The following ANKRD28 variants were observed in gnomAD, a reference collection of about 807,000 sequenced individuals.
The protein encoded by ANKRD28 is ankyrin repeat domain 28, also known as serine/threonine-protein phosphatase 6 regulatory ankyrin repeat subunit A.
A neutral mutation model predicts 126.5 loss-of-function variants in ANKRD28; 44 were observed. The ratio of observed to expected loss-of-function variants is 0.35; its 90% CI spans 0.27 to 0.45. The LOEUF (loss-of-function observed/expected upper bound fraction) is 0.45, where lower values mean the gene tolerates loss of function less well. ANKRD28 is among the 20% of genes least tolerant of loss of function. The pLI is 1.00. For missense variants in ANKRD28, 1,110 were observed against 1,316.6 expected, an observed-to-expected ratio of 0.84 and a Z score of 2.43; for synonymous variants, 442 against 468.5, an observed-to-expected ratio of 0.94 and a Z score of 0.73.
At chr3:15,788,970 G>A (rs1014122177) in intron 2 of ANKRD28, among the ~76,000 whole-genome samples, 1 of 152,046 alleles carries the variant, frequency 6.6e-6, no homozygotes, top group Admixed American at 6.6e-5. Flanking sequence ...AGCCAATAAG[G>A]CTAAGAAGAT....
chr3:15,740,294 A>G (rs907971612), intron 4 of ANKRD28, among the ~76,000 whole-genome samples: 3 of 152,244 alleles, frequency 2.0e-5, no homozygotes, highest in Admixed American at 6.5e-5. Flanking sequence ...CTTGACTGGG[A>G]TAAAGGTTAC....
At chr3:15,734,393 C>T (rs559505972) in intron 6 of ANKRD28, among the ~76,000 whole-genome samples, 56 of 152,264 alleles carry the variant, frequency 3.7e-4, no homozygotes, top group African/African-American at 1.3e-3. Context: ...TCTTTGTAAT[C>T]AGGTAATGTG....
Position 15,668,751 on chromosome 3 carries a change from C to T in ANKRD28, c.*1519G>A, listed in dbSNP as rs1188515804. 6.6e-6 allele frequency: 1 copy of T among 152,560 alleles called. No individual in the cohort carries two copies. The highest frequency in any genetic ancestry group is 1.5e-5 in the Non-Finnish European group (1 of 68,002). The allele number at this position is 152,560 out of a possible 1,614,324, so 9.5% of individuals were successfully genotyped here. On this transcript the variant is annotated 3_prime_UTR_variant, in exon 28 of 28. Coordinates refer to ENST00000683139, the MANE Select transcript of ANKRD28 (RefSeq NM_001349278.2). ...TTCTTCAAAAAACCCACAAAATTATCAAATAGATCAAAATACTGTTCTGTG... is the reference window on the plus strand; with the variant it reads ...TTCTTCAAAAAACCCACAAAATTATTAAATAGATCAAAATACTGTTCTGTG...
chr3:15,758,561 GAAGA>G (rs1162092385), intron 3 of ANKRD28, among the ~76,000 whole-genome samples: 1 of 152,094 alleles, frequency 6.6e-6, no homozygotes, highest in African/African-American at 2.4e-5. Flanking sequence ...GTCCTTACAA[GAAGA>G]AATTTGCAAA....
intron 3 of ANKRD28, among the ~76,000 whole-genome samples, chr3:15,762,173 G>C (rs1238405318): frequency 9.1e-6 from 1 of 109,454 alleles, no homozygotes; most frequent in Admixed American, 1.0e-4. Context: ...GGGTAACAGA[G>C]CAAGACTATG....
chr3:15,827,374 C>T (rs933191457), intron 1 of ANKRD28, among the ~76,000 whole-genome samples: 3 of 151,980 alleles, frequency 2.0e-5, no homozygotes, highest in Non-Finnish European at 2.9e-5. Flanking sequence ...CCTAAGTGTC[C>T]ATCAATAAAT....
At position 15,853,063 on chromosome 3, in the gene ANKRD28, G is replaced by T. The variant is rs529820502; in HGVS notation, c.27+6314C>A. Among the ~76,000 whole-genome samples the T allele has an allele frequency of 9.2e-5, 14 of 152,044 alleles. No individual in the cohort carries two copies. The highest frequency in any genetic ancestry group is 3.4e-4 in the African/African-American group (14 of 41,446). ...GAATTGGGGATGAGGGATGGGAATG[G>T]AAATTAAACCTAAAATATTTGAAAA... is the stretch of plus-strand genomic sequence containing the variant. On this transcript the variant is annotated intron_variant, in intron 1 of 27. Transcript: ENST00000399451. This position sits in a 1 kb window ranked among gnomAD's most constrained non-coding sequence, Gnocchi z 4.2.
chr3:15,837,089 G>C (rs2125955317), intron 1 of ANKRD28, among the ~76,000 whole-genome samples: 1 of 127,168 alleles, frequency 7.9e-6, no homozygotes, highest in African/African-American at 2.8e-5. Flanking sequence ...AACAGAGCAA[G>C]ACTCCGTCTC....
chr3:15,690,280 C>A, intron 17 of ANKRD28, 60 bp from the exon 18 acceptor site: 1 of 1,339,240 alleles, frequency 7.5e-7, no homozygotes, highest in Non-Finnish European at 1.0e-6. Context: ...TTCCTAAATA[C>A]TTGAATAAAT....
chr3:15,680,205 ATATTAT>A (rs201388318), intron 21 of ANKRD28, among the ~76,000 whole-genome samples: 1,993 of 152,100 alleles, frequency 0.013, 18 homozygotes, highest in Non-Finnish European at 0.02. Flanking sequence ...CATATATGAA[ATATTAT>A]TATTATTATT....
Position 15,713,478 on chromosome 3 carries a change from C to T in ANKRD28, c.1190+49G>A, listed in dbSNP as rs79599089. On this transcript the variant is annotated intron_variant, in intron 10 of 27. Coordinates refer to ENST00000683139, the MANE Select transcript of ANKRD28 (RefSeq NM_001349278.2). Reference sequence around the variant, plus strand: ...ATGTCTAGAAAACTGCAGTTCACTTCCCTTTGTGCTTGCCTGTATCAGTTA... The same window carrying T: ...ATGTCTAGAAAACTGCAGTTCACTTTCCTTTGTGCTTGCCTGTATCAGTTA... 11,051 of 1,432,072 alleles carry T rather than the reference C, an allele frequency of 7.7e-3. 637 individuals carry two copies. In the African/African-American group the frequency reaches 0.13, roughly 17 times the overall value. The allele number at this position is 1,432,072 out of a possible 1,614,324, so 88.7% of individuals were successfully genotyped here. A position where few individuals can be genotyped will look rare whatever the true frequency, so the allele number is the denominator to read the frequency against.
intron 6 of ANKRD28, among the ~76,000 whole-genome samples, chr3:15,734,505 T>C: frequency 6.6e-6 from 1 of 152,202 alleles, no homozygotes; most frequent in East Asian, 1.9e-4. Flanking sequence ...CACAGGATTA[T>C]AACCTCTGGC....
Position 15,678,322 on chromosome 3 carries a change from T to C in ANKRD28, c.2594A>G (p.His865Arg), listed in dbSNP as rs772429036. 6.2e-7 allele frequency: 1 copy of C among 1,611,264 alleles called. No individual in the cohort carries two copies. The highest frequency in any genetic ancestry group is 8.5e-7 in the Non-Finnish European group (1 of 1,178,864). Residue 865 changes from histidine to arginine, a missense_variant, in exon 24 of 28, where the codon CAT becomes CGT. By Grantham distance (29) the His-to-Arg change is conservative. Coordinates refer to ENST00000683139, the MANE Select transcript of ANKRD28 (RefSeq NM_001349278.2). ...GAGCAGCAGCTGTAAACACTCTACA[T>C]GGTCTGTGAAGGCGGCTGCATGGAG... The part of the protein sequence containing the change: ...TPLHAAAFTD[H>R]VECLQLLLSH...
At chr3:15,751,241 A>G (rs7614204) in intron 4 of ANKRD28, among the ~76,000 whole-genome samples, 71,001 of 152,090 alleles carry the variant, frequency 0.47, 19,462 homozygotes, top group Non-Finnish European at 0.6. Context: ...CAAACAATAT[A>G]CAAGGCTGTA....
At chr3:15,811,107 C>G (rs1214596354) in intron 1 of ANKRD28, among the ~76,000 whole-genome samples, 1 of 152,116 alleles carries the variant, frequency 6.6e-6, no homozygotes, top group Non-Finnish European at 1.5e-5. Context: ...CTACAAAGAA[C>G]AGAAAAGGAA....
In ANKRD28 at chr3:15,797,186, G is replaced by A. The variant is rs542774602; in HGVS notation, c.-665C>T. 4 of 910,302 alleles carry A rather than the reference G, an allele frequency of 4.4e-6. No homozygotes were observed. In the African/African-American group the frequency reaches 7.7e-5, roughly 18 times the overall value. 56.4% of individuals were successfully genotyped at this position (910,302 alleles called of 1,614,324 possible). A position where few individuals can be genotyped will look rare whatever the true frequency, so the allele number is the denominator to read the frequency against. On this transcript the variant is annotated 5_prime_UTR_variant, in exon 1 of 28. Coordinates refer to ENST00000683139, the MANE Select transcript of ANKRD28 (RefSeq NM_001349278.2). Reference sequence around the variant, plus strand: ...GAGGTTAACAATTCTTTCAGTGTTTGGGAAAGGGGCAAAAAACAAAAACAA... The same window carrying A: ...GAGGTTAACAATTCTTTCAGTGTTTAGGAAAGGGGCAAAAAACAAAAACAA...
chr3:15,671,997 CTG>C (rs2066419053), intron 27 of ANKRD28, among the ~76,000 whole-genome samples: 3 of 152,128 alleles, frequency 2.0e-5, no homozygotes, highest in South Asian at 4.1e-4. Context: ...TTGTATGTAA[CTG>C]TAGTTGGTTC....
At chr3:15,787,247 A>G (rs1469184387) in intron 2 of ANKRD28, among the ~76,000 whole-genome samples, 1 of 152,174 alleles carries the variant, frequency 6.6e-6, no homozygotes. Flanking sequence ...CTGTATTTTG[A>G]ACCTCCAAAA....
chr3:15,762,203 A>C (rs1481716710), intron 3 of ANKRD28, among the ~76,000 whole-genome samples: 524 of 32,782 alleles, frequency 0.016, 13 homozygotes, highest in East Asian at 0.14. Flanking sequence ...AAAAAAAAAA[A>C]AAAAAAAAAA....
Sources: gnomAD v4.1 joint callset for allele counts (sites outside exome capture counted in the v4.1 genomes callset) on GRCh38, gnomAD v4.1.1 for gene constraint, Gnocchi (gnomAD v3.1) non-coding constraint, MANE v1.5 for transcripts, NCBI Gene and HGNC (gene_info 2026-07-23, HGNC 2026-07-21) for gene names.